The following CFAP161 variants were observed in gnomAD, a reference collection of about 807,000 sequenced individuals.
CFAP161 encodes the protein cilia- and flagella-associated protein 161.
Under a neutral mutation model 29.0 loss-of-function variants are expected in CFAP161, and 25 were observed. That is an observed-to-expected ratio of 0.86 (90% CI 0.63 to 1.20). The LOEUF (loss-of-function observed/expected upper bound fraction) is 1.20, where lower values mean the gene tolerates loss of function less well. Among genes scored for constraint, CFAP161 ranks in the 50% most tolerant of loss-of-function variants. CFAP161 has a pLI of 0.00. For missense variants in CFAP161, 367 were observed against 371.9 expected, an observed-to-expected ratio of 0.99 and a Z score of 0.11; for synonymous variants, 116 against 137.4, an observed-to-expected ratio of 0.84 and a Z score of 1.09.
At chr15:81,135,227 C>G in intron 1 of CFAP161, 43 bp from the exon 2 acceptor site, 238 of 1,237,564 alleles carry the variant, frequency 1.9e-4, no homozygotes, top group Non-Finnish European at 2.5e-4. Flanking sequence ...TTAATACTAA[C>G]ATCTATATTA....
At chr15:81,118,611 C>T (rs1321399066) in intron 1 of CFAP161, among the ~76,000 whole-genome samples, 1 of 152,212 alleles carries the variant, frequency 6.6e-6, no homozygotes, top group African/African-American at 2.4e-5. Flanking sequence ...GCGCTAAACC[C>T]GGGAGACCAA....
chr15:81,136,178 A>G (rs1482039864), intron 2 of CFAP161, among the ~76,000 whole-genome samples: 1 of 152,264 alleles, frequency 6.6e-6, no homozygotes, highest in Non-Finnish European at 1.5e-5. Flanking sequence ...AATCATGTTT[A>G]CCTGCATTTT....
chr15:81,105,155 C>CCCTTCCGTCCCTCCCTT (rs1894351450), intron 1 of CFAP161, among the ~76,000 whole-genome samples: 3 of 26,260 alleles, frequency 1.1e-4, no homozygotes, highest in African/African-American at 2.4e-4. Context: ...CTCCCTCCCT[C>CCCTTCCGTCCCTCCCTT]CCTCCCTTCC....
chr15:81,129,667 T>A (rs1894683863), upstream of CFAP161, among the ~76,000 whole-genome samples: 1 of 152,188 alleles, frequency 6.6e-6, no homozygotes, highest in Non-Finnish European at 1.5e-5. Context: ...ATTTTCAGAA[T>A]AGTAAATGAG....
intron 1 of CFAP161, among the ~76,000 whole-genome samples, chr15:81,126,277 G>C (rs1286608130): frequency 6.6e-6 from 1 of 152,210 alleles, no homozygotes; most frequent in African/African-American, 2.4e-5. Context: ...TTGAATGAAG[G>C]CTGAAGATCA....
chr15:81,143,636 G>C (rs1894952639), intron 4 of CFAP161, 26 bp from the exon 5 acceptor site: 1 of 1,602,120 alleles, frequency 6.2e-7, no homozygotes, highest in South Asian at 1.1e-5. Flanking sequence ...CTCTGACTTA[G>C]TGCATCTGCT....
intron 1 of CFAP161, among the ~76,000 whole-genome samples, chr15:81,103,908 G>A (rs1894331873): frequency 6.6e-6 from 1 of 152,200 alleles, no homozygotes; most frequent in African/African-American, 2.4e-5. Flanking sequence ...CCGCTGCTTG[G>A]TGAATGGGGG....
intron 1 of CFAP161, chr15:81,118,098 T>G: frequency 1.9e-6 from 1 of 530,782 alleles, no homozygotes; most frequent in Non-Finnish European, 3.5e-6. Flanking sequence ...TATCTTTCAG[T>G]TTTTTTCCAC....
Position 81,134,299 on chromosome 15 carries a change from G to C in CFAP161, c.-31G>C, listed in dbSNP as rs1256141857. 1 of 1,569,278 alleles carries C rather than the reference G, an allele frequency of 6.4e-7. No homozygotes were observed. The highest frequency in any genetic ancestry group is 1.3e-5 in the African/African-American group (1 of 74,544). ...CGCCACGCTAACGCATGGTGTCGGAGGGAGGCCCACTTGCTGAACAGCAGG... is the reference window on the plus strand; with the variant it reads ...CGCCACGCTAACGCATGGTGTCGGACGGAGGCCCACTTGCTGAACAGCAGG... On this transcript the variant is annotated 5_prime_UTR_variant, in exon 1 of 7. Coordinates refer to ENST00000286732, the MANE Select transcript of CFAP161 (RefSeq NM_173528.4).
At chr15:81,121,773 CAT>C (rs1278227226) in intron 1 of CFAP161, among the ~76,000 whole-genome samples, 2 of 152,062 alleles carry the variant, frequency 1.3e-5, no homozygotes, top group Non-Finnish European at 2.9e-5. Flanking sequence ...CATAGGTAAA[CAT>C]GTCATGGGGG....
intron 1 of CFAP161, among the ~76,000 whole-genome samples, chr15:81,110,925 A>G (rs937551209): frequency 6.6e-6 from 1 of 152,220 alleles, no homozygotes; most frequent in Non-Finnish European, 1.5e-5. Context: ...GCTGAAGGCA[A>G]AAATAGATGG....
At chr15:81,124,546 T>A (rs1161419844) in intron 1 of CFAP161, among the ~76,000 whole-genome samples, 1 of 151,940 alleles carries the variant, frequency 6.6e-6, no homozygotes, top group Non-Finnish European at 1.5e-5. Context: ...TAGGGAGGAG[T>A]CCCTCCTTTC....
chr15:81,105,962 C>T (rs1234009705), intron 1 of CFAP161, among the ~76,000 whole-genome samples: 1 of 152,100 alleles, frequency 6.6e-6, no homozygotes, highest in Non-Finnish European at 1.5e-5. Context: ...AAGGCTATGT[C>T]GATGAAACAA....
At chr15:81,139,875 A>G (rs960450461) in intron 4 of CFAP161, among the ~76,000 whole-genome samples, 8 of 152,212 alleles carry the variant, frequency 5.3e-5, no homozygotes, top group African/African-American at 1.9e-4. Context: ...AACAGTAAGA[A>G]TGATCATATA....
intron 1 of CFAP161, among the ~76,000 whole-genome samples, chr15:81,116,250 CT>C (rs1489742579): frequency 6.6e-6 from 1 of 152,102 alleles, no homozygotes; most frequent in Non-Finnish European, 1.5e-5. Flanking sequence ...AGGTAAAAGT[CT>C]CATTATGTTA....
intron 1 of CFAP161, among the ~76,000 whole-genome samples, chr15:81,109,717 G>A (rs921329430): frequency 5.9e-5 from 9 of 152,074 alleles, no homozygotes; most frequent in African/African-American, 1.4e-4. Flanking sequence ...AAAGAATTGC[G>A]TAAGTTACCA....
chr15:81,126,166 G>T (rs1306463672), intron 1 of CFAP161, among the ~76,000 whole-genome samples: 1 of 152,140 alleles, frequency 6.6e-6, no homozygotes, highest in East Asian at 1.9e-4. Flanking sequence ...ACCATGCCCG[G>T]CCAACTCACT....
chr15:81,133,199 A>G (rs190454675), upstream of CFAP161, among the ~76,000 whole-genome samples: 3,505 of 63,460 alleles, frequency 0.055, 327 homozygotes, highest in Admixed American at 0.15. Flanking sequence ...ATATATATAT[A>G]TATATATATA....
intron 1 of CFAP161, among the ~76,000 whole-genome samples, chr15:81,105,073 T>C (rs1894344769): frequency 9.2e-6 from 1 of 108,572 alleles, no homozygotes; most frequent in Non-Finnish European, 2.2e-5. Context: ...ACCTCAATTT[T>C]TTGTCTTTCT....
Sources: allele counts gnomAD v4.1 joint callset (sites outside exome capture counted in the v4.1 genomes callset), GRCh38; gene constraint gnomAD v4.1.1; transcripts MANE v1.5; gene names NCBI Gene and HGNC (gene_info 2026-07-23, HGNC 2026-07-21).